The following GRAMD1B variants were observed in gnomAD, a reference collection of about 807,000 sequenced individuals.
The protein encoded by GRAMD1B is GRAM domain containing 1B.
GRAMD1B carries 37 observed loss-of-function variants against 99.7 expected under a neutral mutation model. The ratio of observed to expected loss-of-function variants is 0.37; its 90% CI spans 0.29 to 0.49. The LOEUF is 0.49. Ranked by LOEUF, GRAMD1B falls within the 20% of genes least tolerant of loss-of-function variation. The probability of loss-of-function intolerance (pLI) is 0.98; values close to 1 mark genes in which losing one functional copy is unlikely to be tolerated. For missense variants in GRAMD1B, 888 were observed against 1,009.2 expected, an observed-to-expected ratio of 0.88 and a Z score of 1.63; for synonymous variants, 427 against 387.6, an observed-to-expected ratio of 1.10 and a Z score of -1.19.
intron 1 of GRAMD1B, among the ~76,000 whole-genome samples, chr11:123,404,648 T>A (rs57117717): frequency 0.089 from 13,508 of 152,274 alleles, 1,086 homozygotes; most frequent in African/African-American, 0.22. Context: ...TCTTCTCCTT[T>A]TGGAGCAGAA....
intron 2 of GRAMD1B, among the ~76,000 whole-genome samples, chr11:123,537,204 A>G (rs559706110): frequency 3.3e-5 from 5 of 152,250 alleles, no homozygotes; most frequent in African/African-American, 4.8e-5. Flanking sequence ...CCTCCCTTTC[A>G]GGTAGGGTCT....
At chr11:123,489,502 A>T (rs573597280) in intron 2 of GRAMD1B, among the ~76,000 whole-genome samples, 2 of 152,352 alleles carry the variant, frequency 1.3e-5, no homozygotes, top group South Asian at 4.1e-4. Flanking sequence ...AGACAAGATG[A>T]CTAGGAGATA....
At chr11:123,586,316 T>C (rs1488642049) in intron 4 of GRAMD1B, among the ~76,000 whole-genome samples, 1 of 152,204 alleles carries the variant, frequency 6.6e-6, no homozygotes, top group Non-Finnish European at 1.5e-5. Context: ...TGCATCATCC[T>C]CCTAGATGTT....
At chr11:123,410,725 A>C (rs1244117818) in intron 1 of GRAMD1B, among the ~76,000 whole-genome samples, 1 of 152,204 alleles carries the variant, frequency 6.6e-6, no homozygotes, top group East Asian at 1.9e-4. Context: ...GCTGGCAAAG[A>C]GAACTTCCAG....
chr11:123,550,081 A>G (rs1338030991), intron 2 of GRAMD1B, among the ~76,000 whole-genome samples: 2 of 152,186 alleles, frequency 1.3e-5, no homozygotes, highest in Admixed American at 6.5e-5. Flanking sequence ...CCTCCGTGCC[A>G]TCCTATGGAA....
intron 1 of GRAMD1B, among the ~76,000 whole-genome samples, chr11:123,436,192 C>T (rs1452235568): frequency 1.3e-5 from 2 of 152,142 alleles, no homozygotes; most frequent in Non-Finnish European, 2.9e-5. Context: ...CTGCCCACCT[C>T]AGCCTCCCAA....
Position 123,613,545 on chromosome 11 carries a change from G to A in GRAMD1B, c.2114G>A (p.Arg705Gln), listed in dbSNP as rs368784935. The A allele has an allele frequency of 2.1e-5, 34 of 1,613,666 alleles. No homozygotes were observed. Among genetic ancestry groups the A allele is most frequent in the Non-Finnish European group, 2.5e-5 (30 of 1,179,716 alleles). The change falls in exon 16 of 20, where the codon CGG becomes CAG. Residue 705 changes from arginine to glutamine, a missense_variant. By Grantham distance (43) the Arg-to-Gln change is conservative. Transcript: ENST00000635736. ...AAGGCCAGCAAGACTACAACGGTGC[G>A]GAGGAGGAAGCGTCCCCATGCCCAC... is the stretch of plus-strand genomic sequence containing the variant. ...KEKASKTTTVRRRKRPHAHLR... is the reference protein window; with the variant it reads ...KEKASKTTTVQRRKRPHAHLR...
intron 1 of GRAMD1B, among the ~76,000 whole-genome samples, chr11:123,472,495 C>A (rs2714046): frequency 0.59 from 89,772 of 151,952 alleles, 28,649 homozygotes; most frequent in African/African-American, 0.83. Flanking sequence ...TCATCTCATG[C>A]CAAGAAAATT....
chr11:123,404,713 G>A (rs1947793282), intron 1 of GRAMD1B, among the ~76,000 whole-genome samples: 1 of 152,242 alleles, frequency 6.6e-6, no homozygotes, highest in Admixed American at 6.5e-5. Flanking sequence ...TCTGAAATGG[G>A]TGATAAAAAT....
intron 1 of GRAMD1B, among the ~76,000 whole-genome samples, chr11:123,471,226 C>T (rs1195743952): frequency 2.0e-5 from 3 of 152,130 alleles, no homozygotes; most frequent in Non-Finnish European, 4.4e-5. Flanking sequence ...AGTATTATTG[C>T]ACATTATATT....
chr11:123,466,377 A>G (rs1950666790), intron 1 of GRAMD1B, among the ~76,000 whole-genome samples: 1 of 146,094 alleles, frequency 6.8e-6, no homozygotes, highest in South Asian at 2.2e-4. Flanking sequence ...AAAAAGAAAG[A>G]GAGAGAGAAA....
intron 1 of GRAMD1B, among the ~76,000 whole-genome samples, chr11:123,396,162 C>G (rs1947452674): frequency 1.3e-5 from 2 of 151,516 alleles, no homozygotes; most frequent in Admixed American, 1.3e-4. Flanking sequence ...TGCTGCTTCC[C>G]CATATGCATT....
chr11:123,530,186 G>T (rs1591836627), intron 2 of GRAMD1B, among the ~76,000 whole-genome samples: 1 of 123,686 alleles, frequency 8.1e-6, no homozygotes, highest in East Asian at 2.5e-4. Flanking sequence ...TTCACAGGTA[G>T]CTGGGAGGGT....
intron 1 of GRAMD1B, among the ~76,000 whole-genome samples, chr11:123,360,885 G>T (rs58046759): frequency 0.41 from 60,632 of 148,480 alleles, 15,590 homozygotes; most frequent in African/African-American, 0.73. Context: ...GGTGCAATCT[G>T]GGCTCACTGC....
In GRAMD1B at chr11:123,565,202, C is replaced by CTT. The variant is rs59084399; in HGVS notation, c.453-12147_453-12146dup. The stretch of plus-strand genomic sequence containing the variant: ...CATCTGCCAGCACGCCTGGCTAATT[C>CTT]TTTTTTTTTTTTTTTTTTTAGGGAT... On this transcript the variant is annotated intron_variant, in intron 2 of 19. Coordinates refer to ENST00000635736, the MANE Select transcript of GRAMD1B (RefSeq NM_001387025.1). Among the ~76,000 whole-genome samples, 470 of 126,210 alleles carry CTT rather than the reference C, an allele frequency of 3.7e-3. 10 individuals carry two copies. The East Asian group carries it at 0.05, about 14-fold the overall frequency. 82.8% of individuals were successfully genotyped at this position (126,210 alleles called of 152,430 possible). A position where few individuals can be genotyped will look rare whatever the true frequency, so the allele number is the denominator to read the frequency against.
At chr11:123,445,390 G>T (rs1038191542) in intron 1 of GRAMD1B, among the ~76,000 whole-genome samples, 1 of 152,158 alleles carries the variant, frequency 6.6e-6, no homozygotes, top group Admixed American at 6.5e-5. Flanking sequence ...AATGGCAACC[G>T]TAAAGGTCAT....
rs752249277 is a variant in GRAMD1B, at chr11:123,622,460, C to G, written c.2545-46C>G. 6 of 1,200,256 alleles carry G rather than the reference C, an allele frequency of 5.0e-6. No homozygotes were observed. The African/African-American group carries it at 9.0e-5, about 18-fold the overall frequency. 74.4% of individuals were successfully genotyped at this position (1,200,256 alleles called of 1,614,324 possible). A position where few individuals can be genotyped will look rare whatever the true frequency, so the allele number is the denominator to read the frequency against. ...GAGGGCTGCTCGGTGGAGAATCCCA[C>G]TAAAAGCGCAGACCCAGGCCTGGGG... On this transcript the variant is annotated intron_variant, in intron 19 of 19. Coordinates refer to ENST00000635736, the MANE Select transcript of GRAMD1B (RefSeq NM_001387025.1).
chr11:123,470,224 G>T (rs951258638), intron 1 of GRAMD1B, among the ~76,000 whole-genome samples: 4 of 152,100 alleles, frequency 2.6e-5, no homozygotes, highest in Admixed American at 6.6e-5. Context: ...CCACACCACA[G>T]AAGACACTTA....
At chr11:123,440,851 TGTGGGAGGGACCTG>T (rs1949373262) in intron 1 of GRAMD1B, among the ~76,000 whole-genome samples, 1 of 152,294 alleles carries the variant, frequency 6.6e-6, no homozygotes, top group South Asian at 2.1e-4. Flanking sequence ...TCCCACATGT[TGTGGGAGGGACCTG>T]GTGGGAGGTA....
Sources: allele counts gnomAD v4.1 joint callset (sites outside exome capture counted in the v4.1 genomes callset), GRCh38; gene constraint gnomAD v4.1.1; transcripts MANE v1.5; gene names NCBI Gene and HGNC (gene_info 2026-07-23, HGNC 2026-07-21).